Variants in LILRA2 observed in about 807,000 individuals in gnomAD.
LILRA2 encodes the protein leukocyte immunoglobulin like receptor A2.
In LILRA2, 45 loss-of-function variants were observed where a neutral mutation model predicts 47.9. That is an observed-to-expected ratio of 0.94 (90% CI 0.74 to 1.20). The LOEUF (loss-of-function observed/expected upper bound fraction) is 1.20. Among genes scored for constraint, LILRA2 ranks in the 50% most tolerant of loss-of-function variants. The pLI, the probability that LILRA2 is intolerant of heterozygous loss-of-function variation, is 0.00. For missense variants in LILRA2, 651 were observed against 598.2 expected (o/e 1.09, Z -0.92); for synonymous variants, 279 against 249.2 (o/e 1.12, Z -1.13).
At chr19:54,584,140 C>T (rs372880038) in intron 6 of LILRA2, among the ~76,000 whole-genome samples, 71 of 152,294 alleles carry the variant, frequency 4.7e-4, no homozygotes, top group African/African-American at 1.2e-3. Context: ...CCAAGAGATC[C>T]GCTGTTAGTC....
chr19:54,577,410 T>C, intron 6 of LILRA2: 2 of 1,206,794 alleles, frequency 1.7e-6, no homozygotes, highest in Non-Finnish European at 2.1e-6. Flanking sequence ...GGCAGGTGAG[T>C]TGGAGAGAGG....
rs2062853438 is a variant in LILRA2 at position 54,587,600 on chromosome 19, C to T, written c.*254C>T. On this transcript the variant is annotated 3_prime_UTR_variant, in exon 8 of 8. Transcript: ENST00000391738. The stretch of plus-strand genomic sequence containing the variant: ...GACTGGATCCCCTTTTTTTCCCATC[C>T]CCAGACATGAGGCTCCATCCCACAT... 1.6e-6 allele frequency: 1 copy of T among 625,360 alleles called. No homozygotes were observed. Among genetic ancestry groups the T allele is most frequent in the Non-Finnish European group, 2.7e-6 (1 of 373,964 alleles). The allele number at this position is 625,360 out of a possible 1,614,324, so 38.7% of individuals were successfully genotyped here.
In LILRA2 at chr19:54,588,938, T is replaced by C. The variant is rs749759184; in HGVS notation, c.*1592T>C. ...GCCTCAGCCTCCCAGAGTGCTGGGA[T>C]TACAGGTGTAAGCCACTGTGCCCGG... On this transcript the variant is annotated 3_prime_UTR_variant, in exon 8 of 8. Coordinates refer to ENST00000391738, the MANE Select transcript of LILRA2 (RefSeq NM_001130917.3). 7.9e-5 allele frequency: 12 copies of C among 152,142 alleles called. No individual in the cohort carries two copies. The highest frequency in any genetic ancestry group is 1.8e-4 in the Non-Finnish European group (12 of 68,052). The allele number at this position is 152,142 out of a possible 1,614,324, so 9.4% of individuals were successfully genotyped here.
chr19:54,579,702 T>A (rs1229759909), intron 6 of LILRA2, among the ~76,000 whole-genome samples: 1 of 152,172 alleles, frequency 6.6e-6, no homozygotes, highest in Admixed American at 6.5e-5. Flanking sequence ...CTTTGGGCAG[T>A]GTGGCCATTT....
rs140177324 is a variant in LILRA2 at position 54,577,974 on chromosome 19, C to T, written c.1255+1865C>T. Among the ~76,000 whole-genome samples, 892 of 151,934 alleles carry T rather than the reference C, an allele frequency of 5.9e-3. 8 individuals are homozygous for T. The highest frequency in any genetic ancestry group is 0.02 in the African/African-American group (848 of 41,470). On this transcript the variant is annotated intron_variant, in intron 6 of 7. Transcript: ENST00000391738. ...AATTTCTCATTAATATCAACTCTTC[C>T]TCCTTCACACATTAAAAATGAAGAT...
At chr19:54,573,466 C>G, upstream of LILRA2, 2 of 1,019,456 alleles carry the variant, frequency 2.0e-6, no homozygotes, top group East Asian at 2.5e-5. Flanking sequence ...AGCTGATGGA[C>G]GGGCTGAAGG....
In LILRA2 at chr19:54,590,015, C is replaced by T. The variant is rs2062899800; in HGVS notation, c.*2669C>T. On this transcript the variant is annotated 3_prime_UTR_variant, in exon 8 of 8. Coordinates refer to ENST00000391738, the MANE Select transcript of LILRA2 (RefSeq NM_001130917.3). ...GTATCTATTCTAGATATCGTTTGCT[C>T]TATCATAGTTAAGACATTAATGTTA... 1 of 152,096 alleles carries T rather than the reference C, an allele frequency of 6.6e-6. No homozygotes were observed. The highest frequency in any genetic ancestry group is 2.4e-5 in the African/African-American group (1 of 41,426). The allele number at this position is 152,096 out of a possible 1,614,324, so 9.4% of individuals were successfully genotyped here.
rs906215736 is a variant in LILRA2 at position 54,577,273 on chromosome 19, C to A, written c.1255+1164C>A. ...TGGCACAGCTCTGCAGGACCCCCAG[C>A]CCCTGGCCTTGTCCTGCAGGATGTG... On this transcript the variant is annotated intron_variant, in intron 6 of 7. Transcript: ENST00000391738. Among the ~76,000 whole-genome samples, 459 of 152,102 alleles carry A rather than the reference C, an allele frequency of 3.0e-3. No individual in the cohort carries two copies. The South Asian group carries it at 0.062, about 21-fold the overall frequency.
In LILRA2 at chr19:54,575,854, G is replaced by C. The variant is rs1223059884; in HGVS notation, c.1000G>C (p.Val334Leu). The C allele has an allele frequency of 6.2e-7, 1 of 1,611,090 alleles. No homozygotes were observed. The stretch of plus-strand genomic sequence containing the variant: ...TCTCTCGGTGCAGCCGGTCCCCACA[G>C]TAGCCCCAGGAAAGAACGTGACCCT... The part of the protein sequence containing the change: ...PSLSVQPVPT[V>L]APGKNVTLLC... Residue 334 changes from valine (V) to leucine (L), a missense_variant, in exon 6 of 8, where the codon GTA becomes CTA. Coordinates refer to ENST00000391738, the MANE Select transcript of LILRA2 (RefSeq NM_001130917.3).
Position 54,590,235 on chromosome 19 carries a change from T to G in LILRA2, c.*2889T>G, listed in dbSNP as rs888462979. The G allele has an allele frequency of 1.4e-4, 22 of 152,218 alleles. No individual in the cohort carries two copies. Among genetic ancestry groups the G allele is most frequent in the African/African-American group, 4.3e-4 (18 of 41,442 alleles). 9.4% of individuals were successfully genotyped at this position (152,218 alleles called of 1,614,324 possible). A position where few individuals can be genotyped will look rare whatever the true frequency, so the allele number is the denominator to read the frequency against. On this transcript the variant is annotated 3_prime_UTR_variant, in exon 8 of 8. Coordinates refer to ENST00000391738, the MANE Select transcript of LILRA2 (RefSeq NM_001130917.3). ...TAATTATCTTTTCTATTTTTTTCAT[T>G]TCTAGTTTTTCTCCGATGACTAATG...
intron 6 of LILRA2, among the ~76,000 whole-genome samples, chr19:54,584,296 T>G (rs2062731977): frequency 6.6e-6 from 1 of 152,180 alleles, no homozygotes; most frequent in African/African-American, 2.4e-5. Context: ...TTCTCTGTAT[T>G]TCCTGAATTT....
intron 6 of LILRA2, among the ~76,000 whole-genome samples, chr19:54,578,732 C>G (rs2062553003): frequency 6.6e-6 from 1 of 152,200 alleles, no homozygotes; most frequent in South Asian, 2.1e-4. Flanking sequence ...AATTTACACT[C>G]CCACCAACAG....
chr19:54,573,196 G>A (rs138643352), upstream of LILRA2: 1,429 of 405,148 alleles, frequency 3.5e-3, 11 homozygotes, highest in African/African-American at 0.026. Flanking sequence ...TGTGGCCCAG[G>A]GTAATCTGAA....
At chr19:54,584,831 C>T (rs998582668) in intron 6 of LILRA2, among the ~76,000 whole-genome samples, 2 of 152,120 alleles carry the variant, frequency 1.3e-5, no homozygotes, top group African/African-American at 4.8e-5. Flanking sequence ...TGAGGAGCTG[C>T]GATCCTTTGG....
intron 6 of LILRA2, among the ~76,000 whole-genome samples, chr19:54,585,341 C>T (rs1436563588): frequency 6.6e-6 from 1 of 152,224 alleles, no homozygotes; most frequent in East Asian, 1.9e-4. Context: ...ACGTTTAAGT[C>T]TGCAGAAGCT....
chr19:54,590,285 C>T lies in LILRA2; in HGVS notation c.*2939C>T, dbSNP rs1184926933. 6.6e-6 allele frequency: 1 copy of T among 152,004 alleles called. No homozygotes were observed. The highest frequency in any genetic ancestry group is 1.5e-5 in the Non-Finnish European group (1 of 68,008). 9.4% of individuals were successfully genotyped at this position (152,004 alleles called of 1,614,324 possible). A position where few individuals can be genotyped will look rare whatever the true frequency, so the allele number is the denominator to read the frequency against. On this transcript the variant is annotated 3_prime_UTR_variant, in exon 8 of 8. Transcript: ENST00000391738. ...GAAAAATTTAATAAATATTCTACACCAATACAATGTTTATCATTTCAGCAG... is the reference window on the plus strand; with the variant it reads ...GAAAAATTTAATAAATATTCTACACTAATACAATGTTTATCATTTCAGCAG...
intron 6 of LILRA2, among the ~76,000 whole-genome samples, chr19:54,578,236 C>T (rs550996758): frequency 6.6e-6 from 1 of 152,080 alleles, no homozygotes; most frequent in Non-Finnish European, 1.5e-5. Flanking sequence ...CCCATCAACT[C>T]GTCATTCACA....
At position 54,574,497 on chromosome 19, in the gene LILRA2, G is replaced by C. The variant is rs756043691; in HGVS notation, c.267G>C (p.Trp89Cys). 3 of 1,614,106 alleles carry C rather than the reference G, an allele frequency of 1.9e-6. No individual in the cohort carries two copies. In the South Asian group the frequency reaches 3.3e-5, roughly 18 times the overall value. ...NGQFPIPSITWEHAGRYHCQY... is the reference protein window; with the variant it reads ...NGQFPIPSITCEHAGRYHCQY... ...AGTTCCCCATCCCATCCATCACCTG[G>C]GAACACGCAGGGCGGTATCACTGTC... The change falls in exon 3 of 8, where the codon TGG becomes TGC. Residue 89 changes from tryptophan (W) to cysteine (C), a missense_variant. By Grantham distance (215) the Trp-to-Cys change is radical. Coordinates refer to ENST00000391738, the MANE Select transcript of LILRA2 (RefSeq NM_001130917.3).
rs1335440736 is a variant in LILRA2, at chr19:54,588,848, AGAGACGG to A, written c.*1504_*1510del. On this transcript the variant is annotated 3_prime_UTR_variant, in exon 8 of 8. Coordinates refer to ENST00000391738, the MANE Select transcript of LILRA2 (RefSeq NM_001130917.3). ...CCCGGCTATTTTTTGTATTTTTAGTAGAGACGGGGGTCTCGCCATGTTAGTGAGGCTG... is the reference window on the plus strand; with the variant it reads ...CCCGGCTATTTTTTGTATTTTTAGTAGGGTCTCGCCATGTTAGTGAGGCTG... 1 of 151,874 alleles carries A rather than the reference AGAGACGG, an allele frequency of 6.6e-6. No homozygotes were observed. The highest frequency in any genetic ancestry group is 1.5e-5 in the Non-Finnish European group (1 of 67,988). The allele number at this position is 151,874 out of a possible 1,614,324, so 9.4% of individuals were successfully genotyped here.
Sources: gnomAD v4.1 joint callset for allele counts (sites outside exome capture counted in the v4.1 genomes callset) on GRCh38, gnomAD v4.1.1 for gene constraint, MANE v1.5 for transcripts, NCBI Gene and HGNC (gene_info 2026-07-23, HGNC 2026-07-21) for gene names.